The following DCP1A variants were observed in gnomAD, a reference collection of about 807,000 sequenced individuals.
The protein encoded by DCP1A is mRNA-decapping enzyme 1A.
Under a neutral mutation model 58.0 loss-of-function variants are expected in DCP1A, and 20 were observed. The observed-to-expected ratio is 0.34, with a 90% confidence interval of 0.24 to 0.50. DCP1A has a LOEUF of 0.50. DCP1A is among the 20% of genes least tolerant of loss of function. The pLI, the probability that DCP1A is intolerant of heterozygous loss-of-function variation, is 0.98. For synonymous variants in DCP1A, 285 were observed against 275.1 expected, an observed-to-expected ratio of 1.04 and a Z score of -0.36; for missense variants, 613 against 712.2, an observed-to-expected ratio of 0.86 and a Z score of 1.59.
chr3:53,328,750 A>G (rs1553690932), intron 3 of DCP1A, among the ~76,000 whole-genome samples: 1 of 152,230 alleles, frequency 6.6e-6, no homozygotes, highest in Admixed American at 6.5e-5. Flanking sequence ...TTGAACTAAC[A>G]GTGTCACTGA....
intron 2 of DCP1A, among the ~76,000 whole-genome samples, chr3:53,344,595 T>C (rs1575626703): frequency 6.6e-6 from 1 of 152,284 alleles, no homozygotes; most frequent in Non-Finnish European, 1.5e-5. Flanking sequence ...CAAATATATA[T>C]CTTTCTTTTT....
chr3:53,334,995 G>T (rs1294552586), intron 3 of DCP1A, among the ~76,000 whole-genome samples: 1 of 151,338 alleles, frequency 6.6e-6, no homozygotes, highest in African/African-American at 2.4e-5. Context: ...TATGCTGTCA[G>T]TCTAACTGGT....
At position 53,337,603 on chromosome 3, in the gene DCP1A, A is replaced by G. The variant is rs141219795; in HGVS notation, c.304+4541T>C. Among the ~76,000 whole-genome samples the G allele has an allele frequency of 5.1e-3, 779 of 152,360 alleles. 1 individual carries two copies. Among genetic ancestry groups the G allele is most frequent in the Non-Finnish European group, 8.2e-3 (555 of 68,046 alleles). ...TATCTGCAAACTAAATTCCATGCCA[A>G]AAGAATGTTACCATGGCAAAGCCAC... On this transcript the variant is annotated intron_variant, in intron 3 of 9. Transcript: ENST00000610213.
At chr3:53,315,534 CAAAAAA>C (rs1211486616) in intron 4 of DCP1A, among the ~76,000 whole-genome samples, 1 of 64,990 alleles carries the variant, frequency 1.5e-5, no homozygotes, top group Non-Finnish European at 2.7e-5. Context: ...GACTCTGTCT[CAAAAAA>C]AAAAAAAAAA....
chr3:53,341,871 T>C (rs1438126486), intron 3 of DCP1A, among the ~76,000 whole-genome samples: 1 of 152,038 alleles, frequency 6.6e-6, no homozygotes, highest in African/African-American at 2.4e-5. Context: ...GATACGGGGT[T>C]TCACCATGTT....
rs533193942 is a variant in DCP1A at position 53,313,280 on chromosome 3, G to A, written c.372-901C>T. On this transcript the variant is annotated intron_variant, in intron 4 of 9. Coordinates refer to ENST00000610213, the MANE Select transcript of DCP1A (RefSeq NM_018403.7). ...CAAAAAATACAAAAATTAGCTGGGC[G>A]TAGTGGTACACGCCTGTAGTCCCAG... is the stretch of plus-strand genomic sequence containing the variant. Among the ~76,000 whole-genome samples, 8 of 152,256 alleles carry A rather than the reference G, an allele frequency of 5.3e-5. No homozygotes were observed. The South Asian group carries it at 1.7e-3, about 32-fold the overall frequency.
intron 3 of DCP1A, among the ~76,000 whole-genome samples, chr3:53,323,516 C>T (rs1462165217): frequency 6.6e-6 from 1 of 152,096 alleles, no homozygotes; most frequent in African/African-American, 2.4e-5. Flanking sequence ...AATTCGTTTT[C>T]CTTCAATAAG....
chr3:53,289,941 G>C (rs1304698821), intron 8 of DCP1A, among the ~76,000 whole-genome samples: 1 of 151,984 alleles, frequency 6.6e-6, no homozygotes, highest in Non-Finnish European at 1.5e-5. Flanking sequence ...ATTTATTTTT[G>C]GTGCAAAAGC....
At chr3:53,334,442 T>C (rs1216718731) in intron 3 of DCP1A, among the ~76,000 whole-genome samples, 4 of 152,208 alleles carry the variant, frequency 2.6e-5, no homozygotes, top group African/African-American at 4.8e-5. Context: ...ATGGTTTCTA[T>C]TTACTTTTTT....
At chr3:53,289,353 G>A (rs550987597) in intron 8 of DCP1A, among the ~76,000 whole-genome samples, 3 of 151,072 alleles carry the variant, frequency 2.0e-5, no homozygotes, top group Non-Finnish European at 4.4e-5. Context: ...GCTCATGCCT[G>A]TAATCCTAGC....
At chr3:53,300,013 G>A (rs557416525) in intron 6 of DCP1A, among the ~76,000 whole-genome samples, 9 of 151,684 alleles carry the variant, frequency 5.9e-5, no homozygotes, top group East Asian at 5.9e-4. Context: ...GATTACAGGC[G>A]TATGCCATCA....
rs2089217042 is a variant in DCP1A, at chr3:53,342,158, T to C, written c.290A>G (p.Tyr97Cys). ...EFQLHEPFLL[Y>C]RNASLSIYSI... is the part of the protein sequence containing the mutation. The stretch of plus-strand genomic sequence containing the variant: ...GATATACTCACAGCTTGCATTTCTA[T>C]ACAGAAGAAATGGTTCATGGAGCTG... Residue 97 changes from tyrosine (Y) to cysteine (C), a missense_variant, in exon 3 of 10, where the codon TAT becomes TGT. Physicochemically the swap from Tyr to Cys is radical, Grantham distance 194 (BLOSUM62 -2). Around this residue, in one of 3 missense-constraint regions of DCP1A, gnomAD observed 65 missense variants for 118.5 expected, o/e 0.55. Transcript: ENST00000610213. 1.2e-6 allele frequency: 2 copies of C among 1,602,020 alleles called. No individual in the cohort carries two copies. Among genetic ancestry groups the C allele is most frequent in the Non-Finnish European group, 1.7e-6 (2 of 1,173,002 alleles).
rs186912690 is a variant in DCP1A, at chr3:53,323,239, A to G, written c.305-3766T>C. Among the ~76,000 whole-genome samples the G allele has an allele frequency of 4.7e-4, 72 of 152,354 alleles. 2 individuals carry two copies. The East Asian group carries it at 0.013, about 28-fold the overall frequency. ...AAGTAATTTTGGAATGTTTTACATC[A>G]TGGTAAGTCAACAAATTCACTCAGC... On this transcript the variant is annotated intron_variant, in intron 3 of 9. Transcript: ENST00000610213.
At chr3:53,339,994 C>T (rs550976933) in intron 3 of DCP1A, among the ~76,000 whole-genome samples, 2 of 152,208 alleles carry the variant, frequency 1.3e-5, no homozygotes, top group Non-Finnish European at 2.9e-5. Context: ...AATCATGGCT[C>T]ACTGCAGCCT....
Position 53,287,622 on chromosome 3 carries a change from G to A in DCP1A, c.1707C>T (p.Tyr569=), listed in dbSNP as rs1553685297. 2 of 1,612,540 alleles carry A rather than the reference G, an allele frequency of 1.2e-6. No homozygotes were observed. Among genetic ancestry groups the A allele is most frequent in the Admixed American group, 1.7e-5 (1 of 60,004 alleles). ...SSFLSTLHEV[Y]LQVLTKNKDN... ...CTTTGTTCTTGGTCAGAACCTGCAA[G>A]TAGACTTCATGAAGTGTACTGAGGA... is the stretch of plus-strand genomic sequence containing the variant. Residue 569 remains tyrosine, a synonymous_variant, in exon 10 of 10, where the codon TAC becomes TAT. Coordinates refer to ENST00000610213, the MANE Select transcript of DCP1A (RefSeq NM_018403.7).
At position 53,288,092 on chromosome 3, in the gene DCP1A, G is replaced by A. The variant is rs781939540; in HGVS notation, c.1641C>T (p.Leu547=). The stretch of plus-strand genomic sequence containing the variant: ...TTATTAGATGTATTAATGTATCCTG[G>A]AGCTGAGACTTGCTGAGAATAATGG... The part of the protein sequence containing the change: ...KPSIILSKSQ[L]QDTLIHLIKN... Residue 547 remains leucine, a synonymous_variant, in exon 9 of 10, where the codon CTC becomes CTT. Coordinates refer to ENST00000610213, the MANE Select transcript of DCP1A (RefSeq NM_018403.7). 3 of 1,613,942 alleles carry A rather than the reference G, an allele frequency of 1.9e-6. No individual in the cohort carries two copies. In the South Asian group the frequency reaches 3.3e-5, roughly 18 times the overall value.
intron 3 of DCP1A, 61 bp from the exon 4 acceptor site, chr3:53,319,534 T>C: frequency 1.0e-6 from 1 of 992,602 alleles, no homozygotes; most frequent in Non-Finnish European, 1.5e-6. Context: ...TGGGTGTATG[T>C]AAATAATATA....
At chr3:53,289,576 C>T (rs1373243265) in intron 8 of DCP1A, among the ~76,000 whole-genome samples, 3 of 150,154 alleles carry the variant, frequency 2.0e-5, no homozygotes, top group East Asian at 2.0e-4. Context: ...AGTGCCACTG[C>T]ACTCCAGCCT....
At chr3:53,313,936 GT>G (rs1358191320) in intron 4 of DCP1A, among the ~76,000 whole-genome samples, 86 of 152,176 alleles carry the variant, frequency 5.7e-4, no homozygotes, top group Non-Finnish European at 7.4e-5. Flanking sequence ...AGTTTGATAT[GT>G]TGCCCTGGCT....
Sources: allele counts gnomAD v4.1 joint callset (sites outside exome capture counted in the v4.1 genomes callset), GRCh38; gene constraint gnomAD v4.1.1; regional missense constraint gnomAD v4.1.1; transcripts MANE v1.5; gene names NCBI Gene and HGNC (gene_info 2026-07-23, HGNC 2026-07-21).